The following RANBP2 variants were observed in gnomAD, a reference collection of about 807,000 sequenced individuals.
RANBP2 encodes E3 SUMO-protein ligase RanBP2.
A neutral mutation model predicts 303.6 loss-of-function variants in RANBP2; 57 were observed. The observed-to-expected ratio is 0.19, with a 90% CI of 0.15 to 0.23. RANBP2 has a LOEUF of 0.23. Ranked by LOEUF, RANBP2 falls within the 10% of genes least tolerant of loss-of-function variation. RANBP2 has a pLI of 1.00. For synonymous variants in RANBP2, 1,167 were observed against 1,301.5 expected (o/e 0.90, Z 2.23); for missense variants, 3,138 against 3,780.8 (o/e 0.83, Z 4.46).
chr2:108,929,706 A>G, the RANBP2 span, among the ~76,000 whole-genome samples: 4 of 152,186 alleles, frequency 2.6e-5, no homozygotes, highest in Admixed American at 6.5e-5. Flanking sequence ...AGAACCGGAC[A>G]CTGAAACCCC....
chr2:109,652,467 C>T, the RANBP2 span, among the ~76,000 whole-genome samples: 1 of 152,130 alleles, frequency 6.6e-6, no homozygotes, highest in Admixed American at 6.5e-5. Flanking sequence ...CTTCGTGATC[C>T]GCCCACCTCG....
At chr2:108,918,105 G>T in the RANBP2 span, among the ~76,000 whole-genome samples, 3 of 152,198 alleles carry the variant, frequency 2.0e-5, no homozygotes, top group Non-Finnish European at 4.4e-5. Context: ...AAGGAAAAGA[G>T]AGCGGTCTGG....
At chr2:109,121,530 A>G in the RANBP2 span, among the ~76,000 whole-genome samples, 1 of 152,156 alleles carries the variant, frequency 6.6e-6, no homozygotes, top group Admixed American at 6.5e-5. Flanking sequence ...TGTCATAGGA[A>G]TGGCAACATT....
the RANBP2 span, among the ~76,000 whole-genome samples, chr2:109,099,612 G>A: frequency 6.6e-6 from 1 of 152,110 alleles, no homozygotes; most frequent in African/African-American, 2.4e-5. Flanking sequence ...TCAGTTAGCT[G>A]AGAGCCTTGG....
At chr2:109,574,702 A>C in the RANBP2 span, 8 of 1,607,894 alleles carry the variant, frequency 5.0e-6, no homozygotes, top group Admixed American at 1.4e-4. Flanking sequence ...AGAACGCTTA[A>C]TCTTCAGTTC....
At chr2:109,064,312 C>G in the RANBP2 span, among the ~76,000 whole-genome samples, 1 of 151,794 alleles carries the variant, frequency 6.6e-6, no homozygotes, top group African/African-American at 2.4e-5. Flanking sequence ...AAAAATTAGC[C>G]GGGCATGGTG....
the RANBP2 span, among the ~76,000 whole-genome samples, chr2:109,539,314 T>C: frequency 6.6e-6 from 1 of 151,758 alleles, no homozygotes; most frequent in Non-Finnish European, 1.5e-5. Flanking sequence ...AAAAAAAATA[T>C]TGAGTGCACA....
the RANBP2 span, among the ~76,000 whole-genome samples, chr2:108,974,103 G>A: frequency 1.3e-5 from 2 of 152,000 alleles, no homozygotes; most frequent in Non-Finnish European, 1.5e-5. Flanking sequence ...GCCGAGGTGG[G>A]TGGATCACGA....
At chr2:108,723,521 C>T (rs3954200) in intron 1 of RANBP2, among the ~76,000 whole-genome samples, 11 of 152,050 alleles carry the variant, frequency 7.2e-5, no homozygotes, top group Admixed American at 1.3e-4. Context: ...ATGATCCGCC[C>T]GCCTCAGCCT....
the RANBP2 span, among the ~76,000 whole-genome samples, chr2:109,099,899 G>T: frequency 4.6e-5 from 7 of 152,180 alleles, no homozygotes; most frequent in African/African-American, 1.7e-4. Context: ...AACTCTTGGT[G>T]TTCATGGCGG....
At chr2:108,988,842 C>G in the RANBP2 span, 3 of 152,216 alleles carry the variant, frequency 2.0e-5, no homozygotes, top group South Asian at 2.1e-4. Flanking sequence ...TGTTCAAACG[C>G]AACCCAAAAA....
the RANBP2 span, among the ~76,000 whole-genome samples, chr2:109,281,315 C>G: frequency 2.8e-4 from 43 of 152,338 alleles, no homozygotes; most frequent in African/African-American, 1.0e-3. Flanking sequence ...CTTGCCTCTT[C>G]CTTCCCCGGG....
the RANBP2 span, among the ~76,000 whole-genome samples, chr2:109,059,086 C>T: frequency 3.3e-5 from 5 of 151,992 alleles, no homozygotes; most frequent in African/African-American, 9.7e-5. Context: ...CGGGCCTTAT[C>T]GTTCCAAAGC....
At chr2:109,388,574 A>G in the RANBP2 span, among the ~76,000 whole-genome samples, 1 of 152,230 alleles carries the variant, frequency 6.6e-6, no homozygotes, top group Non-Finnish European at 1.5e-5. Flanking sequence ...AGTGTTTAGA[A>G]TATACTCAAC....
chr2:109,442,310 CAAA>C, the RANBP2 span, among the ~76,000 whole-genome samples: 4 of 75,902 alleles, frequency 5.3e-5, no homozygotes, highest in Non-Finnish European at 2.8e-5. Flanking sequence ...GACTCCACCT[CAAA>C]AAAAAAAAAA....
the RANBP2 span, among the ~76,000 whole-genome samples, chr2:109,302,114 A>G: frequency 1.2e-3 from 180 of 152,314 alleles, 1 homozygote; most frequent in African/African-American, 4.0e-3. Context: ...ATAGCAGAGA[A>G]TGGAGAGGCT....
At chr2:109,716,264 A>T in the RANBP2 span, among the ~76,000 whole-genome samples, 1 of 151,816 alleles carries the variant, frequency 6.6e-6, no homozygotes, top group South Asian at 2.1e-4. Flanking sequence ...AAATTTATTT[A>T]TTTTTTGAGA....
At chr2:109,587,257 T>C in the RANBP2 span, among the ~76,000 whole-genome samples, 1 of 152,150 alleles carries the variant, frequency 6.6e-6, no homozygotes, top group Non-Finnish European at 1.5e-5. Context: ...AAAAAATATA[T>C]TTAGTACTAA....
At chr2:109,222,152 G>A in the RANBP2 span, among the ~76,000 whole-genome samples, 11 of 144,354 alleles carry the variant, frequency 7.6e-5, no homozygotes, top group East Asian at 2.2e-4. Flanking sequence ...AAAGGTGCTC[G>A]CATGAAGACA....
Sources: gnomAD v4.1 joint callset for allele counts (sites outside exome capture counted in the v4.1 genomes callset) on GRCh38, gnomAD v4.1.1 for gene constraint, MANE v1.5 for transcripts, NCBI Gene and HGNC (gene_info 2026-07-23, HGNC 2026-07-21) for gene names.